MARCHF1: variants seen among roughly 807,000 people sequenced by gnomAD.
MARCHF1 encodes E3 ubiquitin-protein ligase MARCHF1.
A neutral mutation model predicts 54.2 loss-of-function variants in MARCHF1; 40 were observed. That is an observed-to-expected ratio of 0.74 (90% CI 0.57 to 0.96). The LOEUF (loss-of-function observed/expected upper bound fraction) is 0.96. Among genes scored for constraint, MARCHF1 ranks in the 40% least tolerant of loss-of-function variants. The probability of loss-of-function intolerance (pLI) is 0.00; values close to 1 mark genes in which losing one functional copy is unlikely to be tolerated. For missense variants in MARCHF1, 586 were observed against 656.5 expected, an observed-to-expected ratio of 0.89 and a Z score of 1.17; for synonymous variants, 236 against 236.3, an observed-to-expected ratio of 1.00 and a Z score of 0.01.
intron 1 of MARCHF1, among the ~76,000 whole-genome samples, chr4:164,376,956 G>A (rs560137118): frequency 2.6e-5 from 4 of 152,244 alleles, no homozygotes; most frequent in African/African-American, 7.2e-5. Context: ...CAGCCCCAAT[G>A]AGCCTCAATG....
chr4:163,981,874 T>C (rs575320867), intron 3 of MARCHF1, among the ~76,000 whole-genome samples: 1 of 152,312 alleles, frequency 6.6e-6, no homozygotes, highest in Admixed American at 6.5e-5. Flanking sequence ...ATTAAATCAG[T>C]AAAAATTCAT....
At chr4:163,698,433 T>C (rs908192699) in intron 5 of MARCHF1, among the ~76,000 whole-genome samples, 1 of 152,232 alleles carries the variant, frequency 6.6e-6, no homozygotes, top group Admixed American at 6.5e-5. Context: ...GAAAGTTAAG[T>C]TGGTTTAAAT....
chr4:163,645,004 C>T (rs1030191841), intron 5 of MARCHF1, among the ~76,000 whole-genome samples: 4 of 152,160 alleles, frequency 2.6e-5, no homozygotes, highest in African/African-American at 7.2e-5. Context: ...TGGTTCCAAT[C>T]CCTCTCAGTT....
At chr4:163,783,295 A>G (rs1747523543) in intron 4 of MARCHF1, among the ~76,000 whole-genome samples, 1 of 152,356 alleles carries the variant, frequency 6.6e-6, no homozygotes, top group African/African-American at 2.4e-5. Context: ...CTGACTATCA[A>G]GAGTTTAAAT....
chr4:164,285,293 G>A (rs1253690644), intron 1 of MARCHF1, among the ~76,000 whole-genome samples: 1 of 152,016 alleles, frequency 6.6e-6, no homozygotes, highest in Non-Finnish European at 1.5e-5. Flanking sequence ...TACTTAGAAG[G>A]CTGAGGCAAG....
At chr4:163,573,251 A>T (rs1378211913) in intron 8 of MARCHF1, among the ~76,000 whole-genome samples, 1 of 151,604 alleles carries the variant, frequency 6.6e-6, no homozygotes, top group African/African-American at 2.4e-5. Flanking sequence ...GTCAGCAAAG[A>T]GAGATAGTTT....
Position 163,986,246 on chromosome 4 carries a change from C to CTTTTTTTTTTTTTTTTTTTTTTTTT in MARCHF1, c.-39+2254_-39+2255insAAAAAAAAAAAAAAAAAAAAAAAAA, listed in dbSNP as rs1752861022. Among the ~76,000 whole-genome samples the CTTTTTTTTTTTTTTTTTTTTTTTTT allele has an allele frequency of 1.2e-4, 9 of 73,758 alleles. 1 individual carries two copies. Among genetic ancestry groups the CTTTTTTTTTTTTTTTTTTTTTTTTT allele is most frequent in the Non-Finnish European group, 2.2e-4 (8 of 36,400 alleles). The allele number at this position is 73,758 out of a possible 152,430, so 48.4% of individuals were successfully genotyped here. A position where few individuals can be genotyped will look rare whatever the true frequency, so the allele number is the denominator to read the frequency against. ...CCTTTCCTTTTCTCCTAATTAACCT[C>CTTTTTTTTTTTTTTTTTTTTTTTTT]TTCTTTTTTTTTTTTTTTTTTTTTT... is the stretch of plus-strand genomic sequence containing the variant. On this transcript the variant is annotated intron_variant, in intron 3 of 9. Transcript: ENST00000514618.
chr4:163,844,762 C>T (rs1435428778), intron 4 of MARCHF1, among the ~76,000 whole-genome samples: 1 of 152,134 alleles, frequency 6.6e-6, no homozygotes, highest in Admixed American at 6.6e-5. Flanking sequence ...CCCAAACCTG[C>T]AACTTAGCAA....
At chr4:164,178,940 T>C (rs747438360) in intron 1 of MARCHF1, among the ~76,000 whole-genome samples, 5 of 152,240 alleles carry the variant, frequency 3.3e-5, no homozygotes, top group African/African-American at 4.8e-5. Context: ...TTTCTTCCCC[T>C]AGAACCACCC....
chr4:163,532,639 AAG>A (rs569105719), intron 9 of MARCHF1, among the ~76,000 whole-genome samples: 125 of 152,060 alleles, frequency 8.2e-4, no homozygotes, highest in African/African-American at 3.0e-3. Context: ...TATTCTGAAA[AAG>A]GGATTTGTAT....
chr4:164,239,780 T>C (rs1280291047), intron 1 of MARCHF1, among the ~76,000 whole-genome samples: 2 of 152,142 alleles, frequency 1.3e-5, no homozygotes, highest in East Asian at 3.8e-4. Flanking sequence ...TTTAAGAGTG[T>C]ATGTATATGT....
chr4:163,900,339 CTT>C (rs778800738), intron 3 of MARCHF1, among the ~76,000 whole-genome samples: 25,997 of 145,600 alleles, frequency 0.18, 2,427 homozygotes, highest in South Asian at 0.31. Flanking sequence ...AGTATAGGTC[CTT>C]TTTTTTTTTT....
In MARCHF1 at chr4:163,611,736, T is replaced by C. The variant is rs1223402269; in HGVS notation, c.1010+535A>G. Among the ~76,000 whole-genome samples, 3 of 152,116 alleles carry C rather than the reference T, an allele frequency of 2.0e-5. No individual in the cohort carries two copies. In the East Asian group the frequency reaches 5.8e-4, roughly 29 times the overall value. ...TAATGTGGCCCCCTTCCCTACAGGCTCTTGCAACCCCACTGATACGTCCCT... is the reference window on the plus strand; with the variant it reads ...TAATGTGGCCCCCTTCCCTACAGGCCCTTGCAACCCCACTGATACGTCCCT... On this transcript the variant is annotated intron_variant, in intron 7 of 9. Coordinates refer to ENST00000514618, the MANE Select transcript of MARCHF1 (RefSeq NM_001394959.1).
At chr4:163,907,194 T>G (rs555106474) in intron 3 of MARCHF1, among the ~76,000 whole-genome samples, 1 of 152,116 alleles carries the variant, frequency 6.6e-6, no homozygotes, top group Non-Finnish European at 1.5e-5. Flanking sequence ...TTGCCTAGTT[T>G]ATATAAATTG....
intron 1 of MARCHF1, among the ~76,000 whole-genome samples, chr4:164,118,524 G>C (rs568414071): frequency 1.1e-4 from 17 of 150,924 alleles, no homozygotes; most frequent in South Asian, 1.0e-3. Flanking sequence ...ATAGAAAACA[G>C]TAATATATAA....
intron 4 of MARCHF1, among the ~76,000 whole-genome samples, chr4:163,804,500 T>G (rs181163145): frequency 2.7e-4 from 41 of 152,224 alleles, no homozygotes; most frequent in Middle Eastern, 3.4e-3. Flanking sequence ...CACTGTTCAA[T>G]AGAAATATTG....
chr4:163,810,021 G>A lies in MARCHF1; in HGVS notation c.111+44000C>T, dbSNP rs1181075969. ...GAAAAGTTCTAAGCAAATGTTATCA[G>A]AGAGGGAGACACTGACAGTTGGAAT... On this transcript the variant is annotated intron_variant, in intron 4 of 9. Coordinates refer to ENST00000514618, the MANE Select transcript of MARCHF1 (RefSeq NM_001394959.1). Among the ~76,000 whole-genome samples, 3 of 151,958 alleles carry A rather than the reference G, an allele frequency of 2.0e-5. No homozygotes were observed. In the South Asian group the frequency reaches 6.2e-4, roughly 32 times the overall value.
chr4:163,545,591 C>G lies in MARCHF1; in HGVS notation c.1339+5G>C, dbSNP rs375468000. Reference sequence around the variant, plus strand: ...AAGAGGGTAAGAAGAAAGATGTGCTCTTACCATTGTCATTGCCTTGCTTGA... The same window carrying G: ...AAGAGGGTAAGAAGAAAGATGTGCTGTTACCATTGTCATTGCCTTGCTTGA... On this transcript the variant is annotated splice_donor_5th_base_variant and intron_variant, in intron 9 of 9. Coordinates refer to ENST00000514618, the MANE Select transcript of MARCHF1 (RefSeq NM_001394959.1). 2 of 1,612,238 alleles carry G rather than the reference C, an allele frequency of 1.2e-6. No homozygotes were observed. The highest frequency in any genetic ancestry group is 1.3e-5 in the African/African-American group (1 of 74,908).
At chr4:163,710,827 G>A (rs1273198111) in intron 4 of MARCHF1, among the ~76,000 whole-genome samples, 1 of 152,158 alleles carries the variant, frequency 6.6e-6, no homozygotes, top group South Asian at 2.1e-4. Flanking sequence ...CTAAAATGCA[G>A]AAGGTGATGA....
Sources: gnomAD v4.1 joint callset for allele counts (sites outside exome capture counted in the v4.1 genomes callset) on GRCh38, gnomAD v4.1.1 for gene constraint, MANE v1.5 for transcripts, NCBI Gene and HGNC (gene_info 2026-07-23, HGNC 2026-07-21) for gene names.